The following TMEM181 variants were observed in gnomAD, a reference collection of about 807,000 sequenced individuals.
TMEM181 encodes the protein transmembrane protein 181, also known as G protein-coupled receptor 178.
TMEM181 carries 39 observed loss-of-function variants against 71.9 expected under a neutral mutation model. The ratio of observed to expected loss-of-function variants is 0.54; its 90% CI spans 0.42 to 0.71. TMEM181 has a LOEUF of 0.71. Ranked by LOEUF, TMEM181 falls within the 30% of genes least tolerant of loss-of-function variation. The pLI, the probability that TMEM181 is intolerant of heterozygous loss-of-function variation, is 0.00. For synonymous variants in TMEM181, 245 were observed against 228.8 expected, an observed-to-expected ratio of 1.07 and a Z score of -0.64; for missense variants, 595 against 583.0, an observed-to-expected ratio of 1.02 and a Z score of -0.21.
intron 1 of TMEM181, 40 bp downstream of exon 1, chr6:158,560,272 G>A (rs1782080377): frequency 1.0e-6 from 1 of 985,200 alleles, no homozygotes; most frequent in African/African-American, 1.7e-5. Context: ...CTGGCTCTCC[G>A]GACACTCCGG....
At chr6:158,623,826 T>C (rs1786113589) in intron 11 of TMEM181, among the ~76,000 whole-genome samples, 1 of 151,720 alleles carries the variant, frequency 6.6e-6, no homozygotes, top group Non-Finnish European at 1.5e-5. Context: ...AGTGGTGCAA[T>C]CTCAGCTTAC....
intron 6 of TMEM181, among the ~76,000 whole-genome samples, chr6:158,599,632 G>A (rs1784561532): frequency 6.6e-6 from 1 of 152,248 alleles, no homozygotes; most frequent in South Asian, 2.1e-4. Flanking sequence ...GGACCTGGCA[G>A]TGCCCACGGG....
At chr6:158,601,039 A>T (rs190612220) in intron 6 of TMEM181, among the ~76,000 whole-genome samples, 17 of 152,258 alleles carry the variant, frequency 1.1e-4, no homozygotes, top group Non-Finnish European at 2.1e-4. Context: ...AACGTTTTTA[A>T]TCTCAATATT....
chr6:158,573,737 C>T (rs953832732), intron 2 of TMEM181, among the ~76,000 whole-genome samples: 2 of 152,212 alleles, frequency 1.3e-5, no homozygotes, highest in African/African-American at 4.8e-5. Flanking sequence ...CCGAGTGACC[C>T]TGGCCATGCC....
chr6:158,571,533 C>T (rs12204451), intron 1 of TMEM181, among the ~76,000 whole-genome samples: 2,490 of 88,806 alleles, frequency 0.028, 469 homozygotes, highest in Non-Finnish European at 0.042. Flanking sequence ...CTCCTGACCT[C>T]GTGATCCGCC....
At position 158,633,758 on chromosome 6, in the gene TMEM181, G is replaced by A. The variant is rs114916045; in HGVS notation, c.*1870G>A. 4.8e-3 allele frequency: 738 copies of A among 152,170 alleles called. 7 individuals are homozygous for A. The highest frequency in any genetic ancestry group is 0.017 in the African/African-American group (690 of 41,504). 9.4% of individuals were successfully genotyped at this position (152,170 alleles called of 1,614,324 possible). A position where few individuals can be genotyped will look rare whatever the true frequency, so the allele number is the denominator to read the frequency against. On this transcript the variant is annotated 3_prime_UTR_variant, in exon 17 of 17. Transcript: ENST00000684151. ...ATATGAATGTTTAAGACAACTTACT[G>A]CAAGGGTAATTCAAGTTTACATGAT...
intron 1 of TMEM181, among the ~76,000 whole-genome samples, chr6:158,563,648 G>T (rs923335360): frequency 6.6e-6 from 1 of 152,222 alleles, no homozygotes; most frequent in Non-Finnish European, 1.5e-5. Flanking sequence ...GCCTGGGTAG[G>T]ATATTTGCTG....
At chr6:158,608,276 T>C in intron 8 of TMEM181, 57 bp from the exon 9 acceptor site, 1 of 1,609,608 alleles carries the variant, frequency 6.2e-7, no homozygotes, top group Non-Finnish European at 8.5e-7. Context: ...TGGGGTGCTG[T>C]CTGCCAGGTG....
chr6:158,568,653 T>TCGGTCA (rs1339688941), intron 1 of TMEM181, among the ~76,000 whole-genome samples: 3 of 152,288 alleles, frequency 2.0e-5, no homozygotes, highest in South Asian at 4.1e-4. Flanking sequence ...TGAGACTTAC[T>TCGGTCA]CGGTCACTGG....
chr6:158,540,486 A>C (rs1196602400), intron 1 of TMEM181, among the ~76,000 whole-genome samples: 1 of 152,226 alleles, frequency 6.6e-6, no homozygotes, highest in African/African-American at 2.4e-5. Context: ...AAAATAGTAG[A>C]ATGGACAAAG....
intron 2 of TMEM181, among the ~76,000 whole-genome samples, chr6:158,578,078 G>T (rs888993562): frequency 6.6e-6 from 1 of 151,982 alleles, no homozygotes; most frequent in South Asian, 2.1e-4. Context: ...CAACAAGAGC[G>T]AAACTCCATC....
At chr6:158,560,925 C>T (rs2128285131) in intron 1 of TMEM181, among the ~76,000 whole-genome samples, 1 of 152,236 alleles carries the variant, frequency 6.6e-6, no homozygotes, top group East Asian at 1.9e-4. Context: ...CAGCAGTCGC[C>T]TAGGTGTCCC....
intron 15 of TMEM181, among the ~76,000 whole-genome samples, chr6:158,630,323 C>T (rs2128333063): frequency 6.6e-6 from 1 of 151,972 alleles, no homozygotes; most frequent in Non-Finnish European, 1.5e-5. Context: ...AAATAGGGAC[C>T]CCATCTCTCC....
At chr6:158,573,961 A>G (rs1437447955) in intron 2 of TMEM181, among the ~76,000 whole-genome samples, 3 of 152,074 alleles carry the variant, frequency 2.0e-5, no homozygotes, top group African/African-American at 7.2e-5. Flanking sequence ...GGGTGGCTGT[A>G]GGAGCAGTGG....
chr6:158,567,661 C>T (rs928273140), intron 1 of TMEM181, among the ~76,000 whole-genome samples: 1 of 152,278 alleles, frequency 6.6e-6, no homozygotes, highest in East Asian at 1.9e-4. Flanking sequence ...TCTGGCTTGA[C>T]CCTATTGGGC....
intron 6 of TMEM181, among the ~76,000 whole-genome samples, chr6:158,604,355 T>C (rs1000560296): frequency 6.6e-6 from 1 of 152,114 alleles, no homozygotes; most frequent in South Asian, 2.1e-4. Context: ...TGTGTGTGCG[T>C]GATGTTTTAG....
intron 1 of TMEM181, among the ~76,000 whole-genome samples, chr6:158,567,126 C>T (rs935541153): frequency 2.6e-5 from 4 of 152,146 alleles, no homozygotes; most frequent in African/African-American, 9.7e-5. Flanking sequence ...CCAGAATTTG[C>T]GAGTGTATTA....
In TMEM181 at chr6:158,581,765, A is replaced by AAAAG. The variant is rs750366480; in HGVS notation, c.168+773_168+774insGAAA. On this transcript the variant is annotated intron_variant, in intron 3 of 16. Coordinates refer to ENST00000684151, the MANE Select transcript of TMEM181 (RefSeq NM_001376852.1). ...TGAGACTCTGTCTCAAAAAAAAAAA[A>AAAAG]AAAAAAAAAGCCTTAACTTTTTTAC... is the stretch of plus-strand genomic sequence containing the variant. Among the ~76,000 whole-genome samples the AAAAG allele has an allele frequency of 8.9e-4, 135 of 151,642 alleles. 3 individuals carry two copies. In the Middle Eastern group the frequency reaches 0.024, roughly 27 times the overall value.
At chr6:158,579,237 C>T (rs1783332906) in intron 2 of TMEM181, among the ~76,000 whole-genome samples, 1 of 148,016 alleles carries the variant, frequency 6.8e-6, no homozygotes, top group Non-Finnish European at 1.5e-5. Context: ...CCAGCCTGGG[C>T]AACAACAATG....
Sources: allele counts gnomAD v4.1 joint callset (sites outside exome capture counted in the v4.1 genomes callset), GRCh38; gene constraint gnomAD v4.1.1; transcripts MANE v1.5; gene names NCBI Gene and HGNC (gene_info 2026-07-23, HGNC 2026-07-21).